Variants in DUSP14 observed in about 807,000 individuals in gnomAD.
DUSP14 encodes the protein dual specificity protein phosphatase 14.
In DUSP14, 5 loss-of-function variants were observed where a neutral mutation model predicts 13.2. That is an observed-to-expected ratio of 0.38 (90% CI 0.20 to 0.80). The LOEUF (loss-of-function observed/expected upper bound fraction) is 0.80. Ranked by LOEUF, DUSP14 falls within the 30% of genes least tolerant of loss-of-function variation. DUSP14 has a pLI of 0.44. For missense variants in DUSP14, 185 were observed against 264.0 expected (o/e 0.70, Z 2.07); for synonymous variants, 91 against 103.4 (o/e 0.88, Z 0.73).
intron 2 of DUSP14, among the ~76,000 whole-genome samples, chr17:37,511,828 G>T (rs2054188736): frequency 6.7e-6 from 1 of 150,082 alleles, no homozygotes; most frequent in Non-Finnish European, 1.5e-5. Context: ...GCCCAGGCTG[G>T]TCTTCTGGTC....
At chr17:37,506,580 G>A (rs79189550) in intron 1 of DUSP14, among the ~76,000 whole-genome samples, 1,724 of 152,192 alleles carry the variant, frequency 0.011, 26 homozygotes, top group African/African-American at 0.039. Context: ...CCTCAAATAC[G>A]GGTCAAACTC....
intron 1 of DUSP14, among the ~76,000 whole-genome samples, chr17:37,503,754 A>G (rs143284317): frequency 1.3e-5 from 2 of 152,274 alleles, no homozygotes; most frequent in African/African-American, 4.8e-5. Flanking sequence ...CAACATGGAG[A>G]ATCTGTGAAT....
At chr17:37,506,238 C>A (rs914174377) in intron 1 of DUSP14, among the ~76,000 whole-genome samples, 1 of 152,126 alleles carries the variant, frequency 6.6e-6, no homozygotes, top group Non-Finnish European at 1.5e-5. Flanking sequence ...GCACTCTAGT[C>A]TGGGTGACAG....
chr17:37,506,306 C>A (rs114796623), intron 1 of DUSP14, among the ~76,000 whole-genome samples: 1,710 of 123,170 alleles, frequency 0.014, 31 homozygotes, highest in African/African-American at 0.044. Flanking sequence ...AACAAAAAAA[C>A]CCAAAAAACC....
intron 1 of DUSP14, among the ~76,000 whole-genome samples, chr17:37,500,511 C>G (rs904479296): frequency 2.0e-5 from 3 of 152,192 alleles, no homozygotes; most frequent in East Asian, 3.8e-4. Flanking sequence ...GGTCTTGCTT[C>G]TCAGAGGGCA....
chr17:37,498,010 C>T (rs537925164), intron 1 of DUSP14, among the ~76,000 whole-genome samples: 181 of 150,664 alleles, frequency 1.2e-3, no homozygotes, highest in Non-Finnish European at 2.1e-3. Flanking sequence ...TGCACCACTG[C>T]ACTCCAGCCT....
chr17:37,496,915 CAAAAAA>C (rs71135730), intron 1 of DUSP14, among the ~76,000 whole-genome samples: 1 of 98,644 alleles, frequency 1.0e-5, no homozygotes, highest in Non-Finnish European at 2.0e-5. Context: ...GACTCTGTCT[CAAAAAA>C]AAAAAAAAAA....
chr17:37,507,819 G>A (rs1266326984), intron 1 of DUSP14, among the ~76,000 whole-genome samples: 1 of 152,046 alleles, frequency 6.6e-6, no homozygotes, highest in African/African-American at 2.4e-5. Context: ...CCACAATGAG[G>A]AGCGTCATCC....
intron 1 of DUSP14, among the ~76,000 whole-genome samples, chr17:37,491,156 G>A (rs1262198044): frequency 6.6e-6 from 1 of 152,226 alleles, no homozygotes; most frequent in Non-Finnish European, 1.5e-5. Flanking sequence ...ATTCTTTGCA[G>A]AGTTGTGCGT....
Position 37,512,632 on chromosome 17 carries a change from G to A in DUSP14, c.360G>A (p.Thr120=), listed in dbSNP as rs1255062410. 4.3e-6 allele frequency: 7 copies of A among 1,612,972 alleles called. No homozygotes were observed. The highest frequency in any genetic ancestry group is 1.1e-5 in the South Asian group (1 of 91,072). Residue 120 remains threonine, a synonymous_variant, in exon 3 of 3, where the codon ACG becomes ACA. Transcript: ENST00000617516. This position sits in a 1 kb window ranked among gnomAD's most constrained non-coding sequence, Gnocchi z 4.8. ...HCAAGVSRSA[T]LCIAYLMKFH... ...CTGCAGGGGTGAGCCGCTCAGCCACGCTGTGTATCGCGTACCTGATGAAAT... is the reference window on the plus strand; with the variant it reads ...CTGCAGGGGTGAGCCGCTCAGCCACACTGTGTATCGCGTACCTGATGAAAT...
intron 1 of DUSP14, among the ~76,000 whole-genome samples, chr17:37,509,139 A>ATATATATATG (rs1568204473): frequency 1.7e-4 from 11 of 63,048 alleles, no homozygotes; most frequent in South Asian, 1.6e-3. Flanking sequence ...ACACACACAC[A>ATATATATATG]CACACACACA....
intron 1 of DUSP14, among the ~76,000 whole-genome samples, chr17:37,509,273 A>AG (rs1258446610): frequency 0.02 from 1,371 of 69,250 alleles, 24 homozygotes; most frequent in African/African-American, 0.025. Flanking sequence ...ATATATATAT[A>AG]TATATATATA....
intron 1 of DUSP14, among the ~76,000 whole-genome samples, chr17:37,505,269 G>A (rs1406343361): frequency 6.6e-6 from 1 of 152,148 alleles, no homozygotes; most frequent in Admixed American, 6.5e-5. Context: ...GCTCACCCCT[G>A]TAATCCCAAG....
At chr17:37,500,290 T>C (rs181635014) in intron 1 of DUSP14, among the ~76,000 whole-genome samples, 1 of 152,332 alleles carries the variant, frequency 6.6e-6, no homozygotes, top group Admixed American at 6.5e-5. Flanking sequence ...AGGGTGAAGG[T>C]TGAAACTCTC....
intron 1 of DUSP14, among the ~76,000 whole-genome samples, chr17:37,490,702 T>G (rs1000630454): frequency 7.4e-5 from 11 of 149,408 alleles, no homozygotes; most frequent in Admixed American, 7.3e-4. Context: ...ATGCAGAGAT[T>G]TTTTTTTTTT....
chr17:37,511,937 A>AGTTTTTTTTT lies in DUSP14; in HGVS notation c.-92-244_-92-243insGTTTTTTTTT, dbSNP rs1329764853. Among the ~76,000 whole-genome samples the AGTTTTTTTTT allele has an allele frequency of 4.3e-4, 7 of 16,436 alleles. 2 individuals carry two copies. Among genetic ancestry groups the AGTTTTTTTTT allele is most frequent in the African/African-American group, 1.0e-3 (5 of 4,830 alleles). 10.8% of individuals were successfully genotyped at this position (16,436 alleles called of 152,430 possible). On this transcript the variant is annotated intron_variant, in intron 2 of 2. Coordinates refer to ENST00000617516, the MANE Select transcript of DUSP14 (RefSeq NM_007026.4). ...TGCCCAGCCACCCCCCCCCCACCCC[A>AGTTTTTTTTT]CTTTTTTTTTTTTTTTTTTGGACAA...
At chr17:37,506,413 G>A (rs537827454) in intron 1 of DUSP14, among the ~76,000 whole-genome samples, 4 of 152,096 alleles carry the variant, frequency 2.6e-5, no homozygotes, top group East Asian at 1.9e-4. Flanking sequence ...CAAGAAGCAC[G>A]TGCCATTGCC....
chr17:37,510,007 A>G (rs2054172478), intron 1 of DUSP14: 2 of 152,250 alleles, frequency 1.3e-5, no homozygotes, highest in Admixed American at 1.3e-4. Flanking sequence ...TACATAACAT[A>G]AATGAATAAA....
intron 1 of DUSP14, among the ~76,000 whole-genome samples, chr17:37,508,286 G>T (rs998137268): frequency 1.4e-5 from 2 of 142,392 alleles, no homozygotes; most frequent in African/African-American, 5.0e-5. Flanking sequence ...CCCCCGACCC[G>T]CAGCCTCACC....
Sources: gnomAD v4.1 joint callset for allele counts (sites outside exome capture counted in the v4.1 genomes callset) on GRCh38, gnomAD v4.1.1 for gene constraint, Gnocchi (gnomAD v3.1) non-coding constraint, MANE v1.5 for transcripts, NCBI Gene and HGNC (gene_info 2026-07-23, HGNC 2026-07-21) for gene names.